Variants in ACADS observed in about 807,000 individuals in gnomAD.
ACADS encodes the protein acyl-CoA dehydrogenase short chain, also known as short-chain specific acyl-CoA dehydrogenase, mitochondrial.
In ACADS, 28 loss-of-function variants were observed where a neutral mutation model predicts 46.8. That is an observed-to-expected ratio of 0.60 (90% CI 0.44 to 0.82). The LOEUF is 0.82. Ranked by LOEUF, ACADS falls within the 40% of genes least tolerant of loss-of-function variation. The pLI is 0.00. For synonymous variants in ACADS, 236 were observed against 237.7 expected (o/e 0.99, Z 0.07); for missense variants, 528 against 578.0 (o/e 0.91, Z 0.89).
At chr12:120,737,209 G>A (rs1883479795) in intron 3 of ACADS, 74 bp downstream of exon 3, 8 of 1,544,044 alleles carry the variant, frequency 5.2e-6, no homozygotes, top group Non-Finnish European at 7.0e-6. Flanking sequence ...TCTGGCCTCG[G>A]CTCCCAGCCC....
At chr12:120,738,696 G>C (rs1330860450) in intron 7 of ACADS, 26 bp downstream of exon 7, 9 of 1,610,068 alleles carry the variant, frequency 5.6e-6, no homozygotes, top group Non-Finnish European at 7.6e-6. Context: ...TTAGGAGCTG[G>C]GCCTAGAGGC....
At chr12:120,738,202 C>A in intron 5 of ACADS, 78 bp from the exon 6 acceptor site, 1 of 1,607,062 alleles carries the variant, frequency 6.2e-7, no homozygotes, top group African/African-American at 1.3e-5. Context: ...GGGAGGGGAC[C>A]GGGTTGGTGT....
intron 5 of ACADS, 118 bp from the exon 6 acceptor site, chr12:120,738,162 G>C (rs772356030): frequency 6.3e-7 from 1 of 1,578,566 alleles, no homozygotes; most frequent in East Asian, 2.3e-5. Flanking sequence ...CCGGCAGAGG[G>C]TGTCAAGGCC....
intron 2 of ACADS, among the ~76,000 whole-genome samples, chr12:120,731,340 G>A (rs1026792373): frequency 7.2e-5 from 11 of 151,902 alleles, no homozygotes; most frequent in Non-Finnish European, 1.3e-4. Context: ...GGATTTGAAC[G>A]CCTGGGCTCA....
rs1289561631 is a variant in ACADS at position 120,738,002 on chromosome 12, G to T, written c.624+14G>T. On this transcript the variant is annotated intron_variant, in intron 5 of 9. Transcript: ENST00000242592. ...CTGCAAAACAAGGTGGGCCCACCCA[G>T]AGAGGGGTTCAGCCGGATCCTGGGC... The T allele has an allele frequency of 4.3e-6, 7 of 1,613,490 alleles. No homozygotes were observed. The highest frequency in any genetic ancestry group is 5.9e-6 in the Non-Finnish European group (7 of 1,180,014).
chr12:120,737,288 T>C, intron 3 of ACADS, 68 bp from the exon 4 acceptor site: 12 of 1,544,632 alleles, frequency 7.8e-6, no homozygotes, highest in Non-Finnish European at 9.7e-6. Context: ...GGCCCTGAGG[T>C]GCAGCCCGCA....
At chr12:120,726,140 C>G (rs762297502) in intron 1 of ACADS, among the ~76,000 whole-genome samples, 2 of 151,406 alleles carry the variant, frequency 1.3e-5, no homozygotes, top group Non-Finnish European at 2.9e-5. Context: ...CCCCTACCCC[C>G]CGATTGACCC....
intron 1 of ACADS, 63 bp from the exon 2 acceptor site, chr12:120,726,963 G>C: frequency 1.3e-6 from 2 of 1,589,556 alleles, no homozygotes; most frequent in South Asian, 1.1e-5. Context: ...GAGTTAGTGG[G>C]TCACTAGGAT....
chr12:120,731,396 C>T (rs964928483), intron 2 of ACADS, among the ~76,000 whole-genome samples: 8 of 151,764 alleles, frequency 5.3e-5, no homozygotes, highest in South Asian at 2.1e-4. Context: ...TGGAGACCTG[C>T]GTATTTCTAG....
intron 5 of ACADS, 123 bp downstream of exon 5, chr12:120,738,111 C>T (rs751038516): frequency 1.3e-6 from 2 of 1,570,328 alleles, no homozygotes; most frequent in Admixed American, 1.9e-5. Flanking sequence ...CTGTCCCTGT[C>T]CCTCCTCAGC....
chr12:120,735,898 C>CAAAATAAAATAAAATAAAAT lies in ACADS; in HGVS notation c.211-1075_211-1056dup, dbSNP rs72432001. Among the ~76,000 whole-genome samples, 91 of 149,698 alleles carry CAAAATAAAATAAAATAAAAT rather than the reference C, an allele frequency of 6.1e-4. No individual in the cohort carries two copies. The South Asian group carries it at 8.2e-3, about 14-fold the overall frequency. ...TGGGCAACAGAACAATACTCTGTCA[C>CAAAATAAAATAAAATAAAAT]AAAATAAAATAAAATAAAATAAAAT... On this transcript the variant is annotated intron_variant, in intron 2 of 9. Transcript: ENST00000242592.
In ACADS at chr12:120,739,258, G is replaced by A. The variant is rs550519759; in HGVS notation, c.1087-38G>A. On this transcript the variant is annotated intron_variant, in intron 9 of 9. Coordinates refer to ENST00000242592, the MANE Select transcript of ACADS (RefSeq NM_000017.4). ...CCCCTTCTCCAGCTTTCCCCACGCC[G>A]GGGTCTTCTCCCTCCTGAGCCACTG... 615 of 1,612,950 alleles carry A rather than the reference G, an allele frequency of 3.8e-4. 7 individuals are homozygous for A. In the South Asian group the frequency reaches 4.8e-3, roughly 13 times the overall value.
chr12:120,739,073 G>T, intron 8 of ACADS, 67 bp from the exon 9 acceptor site: 1 of 1,603,198 alleles, frequency 6.2e-7, no homozygotes, highest in Non-Finnish European at 8.5e-7. Context: ...CCCTGCTGAG[G>T]GAGTGGGGGA....
intron 2 of ACADS, among the ~76,000 whole-genome samples, chr12:120,730,668 TC>T (rs1346590149): frequency 6.6e-6 from 1 of 152,168 alleles, no homozygotes; most frequent in Non-Finnish European, 1.5e-5. Context: ...ATCCTTTTAC[TC>T]TCTTTCTGGG....
At position 120,737,342 on chromosome 12, in the gene ACADS, C is replaced by T. The variant is rs560274887; in HGVS notation, c.361-14C>T. 48 of 1,612,314 alleles carry T rather than the reference C, an allele frequency of 3.0e-5. No homozygotes were observed. Among genetic ancestry groups the T allele is most frequent in the South Asian group, 2.9e-4 (26 of 90,990 alleles). On this transcript the variant is annotated splice_polypyrimidine_tract_variant and intron_variant, in intron 3 of 9. Transcript: ENST00000242592. ...GGGCCTGGGGCCTCCGACCGCTCCC[C>T]GCTGTCCTCCTAGTCTCTCTACCTG...
intron 2 of ACADS, among the ~76,000 whole-genome samples, chr12:120,731,663 C>T (rs1883252319): frequency 6.6e-6 from 1 of 151,470 alleles, no homozygotes; most frequent in African/African-American, 2.4e-5. Context: ...TTTTATTGAT[C>T]ATTCTTGGGT....
chr12:120,728,672 A>T lies in ACADS; in HGVS notation c.210+1483A>T, dbSNP rs1302241768. On this transcript the variant is annotated intron_variant, in intron 2 of 9. Transcript: ENST00000242592. This position sits in a 1 kb window ranked among gnomAD's most constrained non-coding sequence, Gnocchi z 4.0. ...CAGGCGCACACCACCATACCCGGCTAATTTTATGTATTTTAGTAGAGACGG... is the reference window on the plus strand; with the variant it reads ...CAGGCGCACACCACCATACCCGGCTTATTTTATGTATTTTAGTAGAGACGG... Among the ~76,000 whole-genome samples the T allele has an allele frequency of 6.6e-6, 1 of 151,092 alleles. No homozygotes were observed. Among genetic ancestry groups the T allele is most frequent in the Non-Finnish European group, 1.5e-5 (1 of 67,800 alleles).
At chr12:120,726,948 C>T in intron 1 of ACADS, 78 bp from the exon 2 acceptor site, 1 of 1,559,880 alleles carries the variant, frequency 6.4e-7, no homozygotes, top group Non-Finnish European at 8.8e-7. Flanking sequence ...AAAATCCTCC[C>T]TGGTGAGTTA....
At chr12:120,730,439 T>C (rs1272814049) in intron 2 of ACADS, among the ~76,000 whole-genome samples, 2 of 152,166 alleles carry the variant, frequency 1.3e-5, no homozygotes, top group Non-Finnish European at 2.9e-5. Context: ...AGTGTCGCAT[T>C]AGTCAGAGGG....
Sources: allele counts gnomAD v4.1 joint callset (sites outside exome capture counted in the v4.1 genomes callset), GRCh38; gene constraint gnomAD v4.1.1; non-coding constraint Gnocchi (gnomAD v3.1); transcripts MANE v1.5; gene names NCBI Gene and HGNC (gene_info 2026-07-23, HGNC 2026-07-21).